The following SOCS2 variants were observed in gnomAD, a reference collection of about 807,000 sequenced individuals.
The protein encoded by SOCS2 is CIS-2.
In SOCS2, 10 loss-of-function variants were observed where a neutral mutation model predicts 18.6. That is an observed-to-expected ratio of 0.54 (90% CI 0.33 to 0.91). SOCS2 has a LOEUF of 0.91. Ranked by LOEUF, SOCS2 falls within the 40% of genes least tolerant of loss-of-function variation. SOCS2 has a pLI of 0.02. For synonymous variants in SOCS2, 104 were observed against 104.0 expected (o/e 1.00, Z 0.00); for missense variants, 231 against 247.2 (o/e 0.93, Z 0.44).
At chr12:93,592,560 T>C in the SOCS2 span, among the ~76,000 whole-genome samples, 1 of 152,210 alleles carries the variant, frequency 6.6e-6, no homozygotes, top group African/African-American at 2.4e-5. Flanking sequence ...TTAATAGATA[T>C]TTACTTTCAA....
chr12:93,614,532 C>T, the SOCS2 span, among the ~76,000 whole-genome samples: 120 of 74,718 alleles, frequency 1.6e-3, 10 homozygotes, highest in African/African-American at 7.0e-3. Flanking sequence ...TCCTTCCTTC[C>T]TTCCTTCCTT....
the SOCS2 span, among the ~76,000 whole-genome samples, chr12:93,621,089 A>C: frequency 1.3e-5 from 2 of 152,230 alleles, no homozygotes; most frequent in Non-Finnish European, 2.9e-5. Flanking sequence ...TTGGCGACCA[A>C]GAGCTGAGCA....
chr12:93,614,487 CCTTCCTTCCTT>C, the SOCS2 span, among the ~76,000 whole-genome samples: 8 of 30,052 alleles, frequency 2.7e-4, no homozygotes, highest in Admixed American at 3.1e-3. Context: ...TCCTTTCCTT[CCTTCCTTCCTT>C]CCTTCCTTCC....
At chr12:93,614,429 CCCTTCCTTCCTTCCTTCCTT>C in the SOCS2 span, among the ~76,000 whole-genome samples, 2 of 41,482 alleles carry the variant, frequency 4.8e-5, no homozygotes, top group Non-Finnish European at 8.3e-5. Flanking sequence ...TCCTTTCTTT[CCCTTCCTTCCTTCCTTCCTT>C]CCTTCCTTCC....
chr12:93,605,232 T>C, the SOCS2 span, among the ~76,000 whole-genome samples: 1 of 152,204 alleles, frequency 6.6e-6, no homozygotes. Context: ...CTTGTCTTTA[T>C]CGCTCTCTTA....
the SOCS2 span, among the ~76,000 whole-genome samples, chr12:93,593,256 G>A: frequency 1.3e-5 from 2 of 152,090 alleles, no homozygotes; most frequent in South Asian, 2.1e-4. Context: ...TGCCTCCAGT[G>A]GGATAGCTGA....
downstream of SOCS2, among the ~76,000 whole-genome samples, chr12:93,578,100 G>T (rs557005296): frequency 1.3e-5 from 2 of 152,192 alleles, no homozygotes; most frequent in African/African-American, 2.4e-5. Context: ...GTGAGCAGTG[G>T]TGATTGCTTT....
At chr12:93,586,119 G>A (rs1954583658), downstream of SOCS2, among the ~76,000 whole-genome samples, 1 of 152,162 alleles carries the variant, frequency 6.6e-6, no homozygotes, top group Non-Finnish European at 1.5e-5. Flanking sequence ...CACGGGTACA[G>A]AGGACTGACC....
chr12:93,592,563 A>G, the SOCS2 span, among the ~76,000 whole-genome samples: 2 of 152,234 alleles, frequency 1.3e-5, no homozygotes, highest in Non-Finnish European at 2.9e-5. Flanking sequence ...ATAGATATTT[A>G]CTTTCAAATC....
At chr12:93,579,835 GA>G (rs1282311800), downstream of SOCS2, among the ~76,000 whole-genome samples, 1 of 152,140 alleles carries the variant, frequency 6.6e-6, no homozygotes, top group Non-Finnish European at 1.5e-5. Flanking sequence ...AAGGAGGCTG[GA>G]TCAGCTAAGT....
chr12:93,617,099 A>G, the SOCS2 span, among the ~76,000 whole-genome samples: 2 of 152,152 alleles, frequency 1.3e-5, no homozygotes, highest in East Asian at 3.9e-4. Flanking sequence ...CAATTATATC[A>G]CTGTGATATG....
the SOCS2 span, among the ~76,000 whole-genome samples, chr12:93,619,784 C>T: frequency 2.0e-5 from 3 of 152,290 alleles, no homozygotes; most frequent in Non-Finnish European, 1.5e-5. Flanking sequence ...CAGCCTGGAA[C>T]CTGCATCCCT....
chr12:93,620,637 C>T, the SOCS2 span, among the ~76,000 whole-genome samples: 1 of 152,178 alleles, frequency 6.6e-6, no homozygotes, highest in African/African-American at 2.4e-5. Flanking sequence ...TGGTCTCAAA[C>T]TCCTGACCTC....
downstream of SOCS2, among the ~76,000 whole-genome samples, chr12:93,587,549 C>T (rs1469353455): frequency 6.6e-6 from 1 of 151,908 alleles, no homozygotes; most frequent in African/African-American, 2.4e-5. Flanking sequence ...GGCGTGGTGG[C>T]ACGCGCCTGT....
chr12:93,625,130 T>G, the SOCS2 span, among the ~76,000 whole-genome samples: 1 of 152,370 alleles, frequency 6.6e-6, no homozygotes, highest in East Asian at 1.9e-4. Flanking sequence ...TTTCCCATGC[T>G]GAATCATTCA....
exon 2 of SOCS2, chr12:93,583,171 C>G (rs905504059): frequency 6.6e-6 from 1 of 151,694 alleles, no homozygotes; most frequent in African/African-American, 2.4e-5. Flanking sequence ...TGCCAGCCAT[C>G]ATCATCATCA....
At chr12:93,621,580 G>T in the SOCS2 span, among the ~76,000 whole-genome samples, 1 of 152,148 alleles carries the variant, frequency 6.6e-6, no homozygotes, top group Admixed American at 6.5e-5. Context: ...AGGCTTAAGA[G>T]ATCCTCCTGC....
chr12:93,603,374 AG>A, the SOCS2 span, among the ~76,000 whole-genome samples: 1 of 152,292 alleles, frequency 6.6e-6, no homozygotes, highest in South Asian at 2.1e-4. Flanking sequence ...AGACTCAAAA[AG>A]GTTAGGCCCT....
the SOCS2 span, among the ~76,000 whole-genome samples, chr12:93,620,176 T>C: frequency 6.6e-6 from 1 of 152,230 alleles, no homozygotes; most frequent in East Asian, 1.9e-4. Flanking sequence ...ACTTAAATGA[T>C]ACATTTTTAC....
Sources: gnomAD v4.1 joint callset for allele counts (sites outside exome capture counted in the v4.1 genomes callset) on GRCh38, gnomAD v4.1.1 for gene constraint, MANE v1.5 for transcripts, NCBI Gene and HGNC (gene_info 2026-07-23, HGNC 2026-07-21) for gene names.